Variants in ZNF516 observed in about 807,000 individuals in gnomAD.
The protein encoded by ZNF516 is zinc finger protein 516.
Under a neutral mutation model 79.7 loss-of-function variants are expected in ZNF516, and 19 were observed. The ratio of observed to expected loss-of-function variants is 0.24; its 90% confidence interval spans 0.17 to 0.35. ZNF516 has a LOEUF of 0.35. Ranked by LOEUF, ZNF516 falls within the 10% of genes least tolerant of loss-of-function variation. The pLI is 1.00. For synonymous variants in ZNF516, 877 were observed against 739.5 expected (o/e 1.19, Z -3.02); for missense variants, 1,678 against 1,679.5 (o/e 1.00, Z 0.02).
chr18:76,392,585 G>T (rs528637005), intron 3 of ZNF516, among the ~76,000 whole-genome samples: 3 of 146,150 alleles, frequency 2.1e-5, no homozygotes, highest in Non-Finnish European at 4.5e-5. Context: ...TGGGAAGGCA[G>T]GTGGCCGGGT....
chr18:76,490,949 A>G, intron 1 of ZNF516: 3 of 985,364 alleles, frequency 3.0e-6, no homozygotes, highest in Non-Finnish European at 3.6e-6. Context: ...CTGTGAGGTC[A>G]CACACGCAGA....
At chr18:76,397,091 G>A (rs372063806) in intron 3 of ZNF516, among the ~76,000 whole-genome samples, 8 of 152,314 alleles carry the variant, frequency 5.3e-5, no homozygotes, top group South Asian at 2.1e-4. Flanking sequence ...CAGAGGCTAC[G>A]CAGTTCAGAA....
intron 1 of ZNF516, among the ~76,000 whole-genome samples, chr18:76,468,087 C>G (rs1913599400): frequency 1.3e-5 from 2 of 152,182 alleles, no homozygotes; most frequent in Non-Finnish European, 2.9e-5. Context: ...TCAGGCCACT[C>G]AAGGCATCCC....
intron 6 of ZNF516, among the ~76,000 whole-genome samples, chr18:76,367,708 T>C (rs1018246783): frequency 3.3e-5 from 5 of 152,182 alleles, no homozygotes; most frequent in Non-Finnish European, 7.3e-5. Flanking sequence ...CCCTACTTCC[T>C]GTCTAAGCCA....
chr18:76,367,643 C>T (rs567328277), intron 6 of ZNF516, among the ~76,000 whole-genome samples: 17 of 152,254 alleles, frequency 1.1e-4, no homozygotes, highest in South Asian at 8.3e-4. Flanking sequence ...GTCTTCCAAG[C>T]GCCTCCAGCC....
intron 2 of ZNF516, among the ~76,000 whole-genome samples, chr18:76,444,506 C>T (rs907676945): frequency 2.6e-5 from 4 of 152,208 alleles, no homozygotes; most frequent in Non-Finnish European, 5.9e-5. Flanking sequence ...CAAAGCAGCT[C>T]CATATTTCCG....
At chr18:76,464,480 T>C (rs1226901972) in intron 1 of ZNF516, among the ~76,000 whole-genome samples, 1 of 152,206 alleles carries the variant, frequency 6.6e-6, no homozygotes, top group African/African-American at 2.4e-5. Flanking sequence ...CCAAGAGTCA[T>C]GGAGACAAAG....
intron 2 of ZNF516, among the ~76,000 whole-genome samples, chr18:76,448,507 T>C (rs147768855): frequency 1.0e-3 from 153 of 152,294 alleles, no homozygotes; most frequent in African/African-American, 3.1e-3. Context: ...CCACTGACAC[T>C]ACAGAAACTT....
chr18:76,468,711 C>T (rs1265666287), intron 1 of ZNF516, among the ~76,000 whole-genome samples: 5 of 152,208 alleles, frequency 3.3e-5, no homozygotes, highest in African/African-American at 1.2e-4. Context: ...TGAGCCAACG[C>T]GCCCGGCCGT....
At chr18:76,488,948 AAAAC>A (rs1224008368) in intron 1 of ZNF516, among the ~76,000 whole-genome samples, 1 of 152,246 alleles carries the variant, frequency 6.6e-6, no homozygotes, top group African/African-American at 2.4e-5. Context: ...AATAGAGTAA[AAAAC>A]AAAATAATGC....
chr18:76,439,187 T>A (rs2075782413), intron 3 of ZNF516, among the ~76,000 whole-genome samples: 1 of 152,234 alleles, frequency 6.6e-6, no homozygotes. Flanking sequence ...AGTAGTTAAA[T>A]CAATGGAACA....
rs2075821177 is a variant in ZNF516, at chr18:76,441,509, C to T, written c.1546G>A (p.Glu516Lys). The change falls in exon 3 of 7, where the codon GAG becomes AAG. Residue 516 changes from glutamate to lysine, a missense_variant. Glu to Lys is a moderately conservative substitution (Grantham distance 56). This residue lies in a region of ZNF516 where 1,294 missense variants were observed against 1,248.3 expected (regional missense o/e 1.04). Transcript: ENST00000443185. ...AAGATCTTGCCGCACTCGAAGCACT[C>T]GGAGGACTTGCCCTGGCCGGTGGTG... is the stretch of plus-strand genomic sequence containing the variant. ...AATTGQGKSS[E>K]CFECGKIFRT... 2 of 1,590,606 alleles carry T rather than the reference C, an allele frequency of 1.3e-6. No individual in the cohort carries two copies. Among genetic ancestry groups the T allele is most frequent in the South Asian group, 1.1e-5 (1 of 88,140 alleles).
At chr18:76,417,448 G>T (rs1222272939) in intron 3 of ZNF516, among the ~76,000 whole-genome samples, 2 of 152,168 alleles carry the variant, frequency 1.3e-5, no homozygotes, top group African/African-American at 4.8e-5. Context: ...TTTAACCAAA[G>T]ATATTTACAA....
intron 3 of ZNF516, among the ~76,000 whole-genome samples, chr18:76,439,477 G>C (rs1411055701): frequency 6.6e-6 from 1 of 152,126 alleles, no homozygotes; most frequent in South Asian, 2.1e-4. Context: ...TCTTGTTATA[G>C]AATCAGCTGA....
rs371560080 is a variant in ZNF516, at chr18:76,380,029, G to A, written c.2085C>T (p.Ser695=). The stretch of plus-strand genomic sequence containing the variant: ...CCGTCTGGCCCTCCGCTCCCGTACT[G>A]GAAGGGAACTCCACACCATCACCAG... The part of the protein sequence containing the change: ...PVPGDGVEFP[S]STGAEGQTGH... The change falls in exon 4 of 7, where the codon TCC becomes TCT. Residue 695 remains serine (S), a synonymous_variant. Coordinates refer to ENST00000443185, the MANE Select transcript of ZNF516 (RefSeq NM_014643.4). 2.5e-6 allele frequency: 4 copies of A among 1,613,840 alleles called. No individual in the cohort carries two copies. In the African/African-American group the frequency reaches 5.3e-5, roughly 22 times the overall value.
chr18:76,403,977 T>G (rs2075266700), intron 3 of ZNF516, among the ~76,000 whole-genome samples: 1 of 152,136 alleles, frequency 6.6e-6, no homozygotes, highest in Non-Finnish European at 1.5e-5. Flanking sequence ...CGACCACCAC[T>G]CCCTGTGGCC....
At chr18:76,403,287 C>T (rs768252361) in intron 3 of ZNF516, among the ~76,000 whole-genome samples, 1 of 152,210 alleles carries the variant, frequency 6.6e-6, no homozygotes, top group Non-Finnish European at 1.5e-5. Flanking sequence ...TGACCTGGTT[C>T]ATCTCTTCTC....
Position 76,442,122 on chromosome 18 carries a change from C to A in ZNF516, c.933G>T (p.Glu311Asp), listed in dbSNP as rs1911707144. The A allele has an allele frequency of 6.2e-7, 1 of 1,613,878 alleles. No homozygotes were observed. The highest frequency in any genetic ancestry group is 1.3e-5 in the African/African-American group (1 of 74,938). Residue 311 changes from glutamate to aspartate, a missense_variant, in exon 3 of 7, where the codon GAG (glutamate) becomes GAT (aspartate). Physicochemically the swap from Glu to Asp is conservative, Grantham distance 45 (BLOSUM62 2). This residue lies in a region of ZNF516 where 1,294 missense variants were observed against 1,248.3 expected (regional missense o/e 1.04). Coordinates refer to ENST00000443185, the MANE Select transcript of ZNF516 (RefSeq NM_014643.4). ...TGTTGATGGTGGCGATGGGGTCCAG[C>A]TCACTCTTGGGCCTGTTCTTGCTGC... ...KTGSKNRPKSELDPIATINNV... is the reference protein window; with the variant it reads ...KTGSKNRPKSDLDPIATINNV...
rs533571554 is a variant in ZNF516 at position 76,376,927 on chromosome 18, G to A, written c.3259+1928C>T. On this transcript the variant is annotated intron_variant, in intron 4 of 6. Coordinates refer to ENST00000443185, the MANE Select transcript of ZNF516 (RefSeq NM_014643.4). ...CTGGGAACACCCAGCATCCACAACA[G>A]CACAGACCTCACCACTCAGCCTTCT... Among the ~76,000 whole-genome samples, 149 of 152,338 alleles carry A rather than the reference G, an allele frequency of 9.8e-4. 2 individuals carry two copies. The highest frequency in any genetic ancestry group is 3.3e-3 in the African/African-American group (137 of 41,570).
Sources: gnomAD v4.1 joint callset for allele counts (sites outside exome capture counted in the v4.1 genomes callset) on GRCh38, gnomAD v4.1.1 for gene constraint, gnomAD v4.1.1 regional missense constraint, MANE v1.5 for transcripts, NCBI Gene and HGNC (gene_info 2026-07-23, HGNC 2026-07-21) for gene names.